Variants in AHDC1 observed in about 807,000 individuals in gnomAD.
AHDC1 encodes the protein transcription factor Gibbin.
Under a neutral mutation model 87.9 loss-of-function variants are expected in AHDC1, and 7 were observed. That is an observed-to-expected ratio of 0.08 (90% CI 0.05 to 0.15). The LOEUF (loss-of-function observed/expected upper bound fraction) is 0.15. AHDC1 is among the 10% of genes least tolerant of loss of function. The probability of loss-of-function intolerance (pLI) is 1.00; values close to 1 mark genes in which losing one functional copy is unlikely to be tolerated. For missense variants in AHDC1, 1,841 were observed against 2,253.2 expected (o/e 0.82, Z 3.70); for synonymous variants, 1,051 against 1,006.8 (o/e 1.04, Z -0.83).
intron 3 of AHDC1, among the ~76,000 whole-genome samples, chr1:27,575,235 C>T (rs890809707): frequency 6.6e-6 from 1 of 152,204 alleles, no homozygotes; most frequent in Non-Finnish European, 1.5e-5. Context: ...ATCCCTGCCA[C>T]CTCCGCCCCC....
intron 3 of AHDC1, among the ~76,000 whole-genome samples, chr1:27,601,903 A>T (rs2089538346): frequency 6.6e-6 from 1 of 152,142 alleles, no homozygotes; most frequent in Admixed American, 6.5e-5. Flanking sequence ...GGCCACCCTG[A>T]CCCGGAGGCA....
chr1:27,538,362 C>T (rs1261769717), intron 8 of AHDC1, among the ~76,000 whole-genome samples: 1 of 142,452 alleles, frequency 7.0e-6, no homozygotes, highest in Non-Finnish European at 1.5e-5. Context: ...GAGATCGTGC[C>T]ACTCCACTCC....
At chr1:27,579,333 A>G (rs1224260370) in intron 3 of AHDC1, among the ~76,000 whole-genome samples, 1 of 152,096 alleles carries the variant, frequency 6.6e-6, no homozygotes, top group East Asian at 1.9e-4. Flanking sequence ...TAGCTCACTC[A>G]CTTTCTCATA....
intron 3 of AHDC1, among the ~76,000 whole-genome samples, chr1:27,588,124 C>T (rs2089113733): frequency 6.6e-6 from 1 of 152,220 alleles, no homozygotes; most frequent in Non-Finnish European, 1.5e-5. Flanking sequence ...TGCAGTGTCT[C>T]CTCTGGTCTG....
intron 3 of AHDC1, among the ~76,000 whole-genome samples, chr1:27,597,511 G>A (rs1187226767): frequency 6.6e-6 from 1 of 152,126 alleles, no homozygotes; most frequent in Non-Finnish European, 1.5e-5. Flanking sequence ...ATGTGCATCT[G>A]GTGCAGGGGT....
chr1:27,599,657 C>G (rs2089477502), intron 3 of AHDC1, among the ~76,000 whole-genome samples: 1 of 152,196 alleles, frequency 6.6e-6, no homozygotes, highest in African/African-American at 2.4e-5. Context: ...GCTCCTGGCA[C>G]CTCTGGGACC....
At chr1:27,552,240 T>C (rs2019612476) in intron 7 of AHDC1, 51 bp from the exon 8 acceptor site, 4 of 1,379,422 alleles carry the variant, frequency 2.9e-6, no homozygotes, top group Middle Eastern at 2.6e-4. Flanking sequence ...TACATCCTCA[T>C]CAGCTTCCCA....
Position 27,549,048 on chromosome 1 carries a change from G to A in AHDC1, c.3068C>T (p.Pro1023Leu), listed in dbSNP as rs202176790. The A allele has an allele frequency of 3.3e-5, 52 of 1,576,166 alleles. No homozygotes were observed. The highest frequency in any genetic ancestry group is 1.3e-4 in the South Asian group (11 of 85,916). The change falls in exon 8 of 9, where the codon CCG becomes CTG. Residue 1023 changes from proline to leucine, a missense_variant. Coordinates refer to ENST00000673934, the MANE Select transcript of AHDC1 (RefSeq NM_001371928.1). ...TGGCAGGCAGGGGCCCCCGGTAGGCGGTGGGGCATAGCCGGCGCTGTGGGC... is the reference window on the plus strand; with the variant it reads ...TGGCAGGCAGGGGCCCCCGGTAGGCAGTGGGGCATAGCCGGCGCTGTGGGC... ...SSAHSAGYAP[P>L]PTGGPCLPPS...
intron 5 of AHDC1, among the ~76,000 whole-genome samples, chr1:27,554,354 T>C (rs2019728494): frequency 6.6e-6 from 1 of 152,244 alleles, no homozygotes; most frequent in African/African-American, 2.4e-5. Context: ...ATTGCAACTA[T>C]AATCAATTAC....
At chr1:27,582,926 T>G (rs556274710) in intron 3 of AHDC1, among the ~76,000 whole-genome samples, 2 of 152,322 alleles carry the variant, frequency 1.3e-5, no homozygotes, top group South Asian at 2.1e-4. Context: ...ATTTCTCTTT[T>G]TTTTGAGACG....
intron 3 of AHDC1, among the ~76,000 whole-genome samples, chr1:27,599,943 T>C (rs917963330): frequency 2.0e-5 from 3 of 151,830 alleles, no homozygotes; most frequent in African/African-American, 7.3e-5. Context: ...CATCTGCTTG[T>C]CTCTCCTCCA....
chr1:27,602,897 G>T (rs966315168), intron 3 of AHDC1, among the ~76,000 whole-genome samples: 1 of 151,452 alleles, frequency 6.6e-6, no homozygotes, highest in African/African-American at 2.4e-5. Flanking sequence ...GGTTGGAGGG[G>T]AGGGGCTCCT....
chr1:27,588,567 T>C (rs781277958), intron 3 of AHDC1, among the ~76,000 whole-genome samples: 13 of 152,050 alleles, frequency 8.5e-5, no homozygotes, highest in African/African-American at 2.9e-4. Flanking sequence ...CAGTAACAAA[T>C]ACCGTCAGGG....
In AHDC1 at chr1:27,558,795, T is replaced by C. The variant is rs1206523869; in HGVS notation, c.-540A>G. ...GGTGGTCTCTGCAACGGCCTGAGCG[T>C]CGCCCCGCACTCGGGGCCCTCTGCA... On this transcript the variant is annotated 5_prime_UTR_variant, in exon 4 of 9. Transcript: ENST00000673934. The surrounding 1 kb of genome is among the most constrained non-coding windows in gnomAD (Gnocchi z 5.6). The C allele has an allele frequency of 3.5e-5, 14 of 398,474 alleles. No individual in the cohort carries two copies. Among genetic ancestry groups the C allele is most frequent in the Non-Finnish European group, 1.3e-5 (3 of 226,074 alleles). 24.7% of individuals were successfully genotyped at this position (398,474 alleles called of 1,614,324 possible). A position where few individuals can be genotyped will look rare whatever the true frequency, so the allele number is the denominator to read the frequency against.
In AHDC1 at chr1:27,590,210, G is replaced by A. The variant is rs1456628316; in HGVS notation, c.-629+13187C>T. 6.6e-6 allele frequency among the ~76,000 whole-genome samples: 1 copy of A among 152,196 alleles called. No individual in the cohort carries two copies. Among genetic ancestry groups the A allele is most frequent in the Admixed American group, 6.5e-5 (1 of 15,288 alleles). On this transcript the variant is annotated intron_variant, in intron 3 of 8. Transcript: ENST00000673934. This position sits in a 1 kb window ranked among gnomAD's most constrained non-coding sequence, Gnocchi z 5.4. ...GGTGAGCAGGCTGCGGGGTTTGGCA[G>A]CGCGCCTGCTGGAGACCCGCCCTCA... is the stretch of plus-strand genomic sequence containing the variant.
chr1:27,541,231 G>C (rs1358429041), intron 8 of AHDC1, among the ~76,000 whole-genome samples: 5 of 152,162 alleles, frequency 3.3e-5, no homozygotes, highest in Non-Finnish European at 7.4e-5. Context: ...GCTCACAACG[G>C]TTTTAGAGGG....
chr1:27,568,268 A>T (rs1215898788), intron 3 of AHDC1: 1 of 152,192 alleles, frequency 6.6e-6, no homozygotes, highest in Non-Finnish European at 1.5e-5. Flanking sequence ...CCTTAACTAC[A>T]GAGGGTCCTA....
intron 8 of AHDC1, among the ~76,000 whole-genome samples, chr1:27,539,571 G>C (rs1359099127): frequency 6.6e-6 from 1 of 151,926 alleles, no homozygotes. Flanking sequence ...TCAGCCTCCC[G>C]AGTAGCTGGG....
chr1:27,555,092 C>T (rs2019759607), intron 5 of AHDC1, among the ~76,000 whole-genome samples: 1 of 152,210 alleles, frequency 6.6e-6, no homozygotes. Context: ...CTTCTAGCGC[C>T]GTGGTCTAAT....
Sources: allele counts gnomAD v4.1 joint callset (sites outside exome capture counted in the v4.1 genomes callset), GRCh38; gene constraint gnomAD v4.1.1; non-coding constraint Gnocchi (gnomAD v3.1); transcripts MANE v1.5; gene names NCBI Gene and HGNC (gene_info 2026-07-23, HGNC 2026-07-21).